Variants in PHF24 observed in about 807,000 individuals in gnomAD.
PHF24 encodes Galpha inhibitory interacting protein.
Under a neutral mutation model 42.6 loss-of-function variants are expected in PHF24, and 25 were observed. That is an observed-to-expected ratio of 0.59 (90% CI 0.43 to 0.82). The LOEUF (loss-of-function observed/expected upper bound fraction) is 0.82, where lower values mean the gene tolerates loss of function less well. Ranked by LOEUF, PHF24 falls within the 40% of genes least tolerant of loss-of-function variation. The probability of loss-of-function intolerance (pLI) is 0.00; values close to 1 mark genes in which losing one functional copy is unlikely to be tolerated. For synonymous variants in PHF24, 185 were observed against 204.8 expected (o/e 0.90, Z 0.83); for missense variants, 470 against 538.1 (o/e 0.87, Z 1.25).
the PHF24 span, among the ~76,000 whole-genome samples, chr9:34,824,005 T>C: frequency 6.6e-6 from 1 of 152,142 alleles, no homozygotes; most frequent in Non-Finnish European, 1.5e-5. Context: ...TAGGTTTGGG[T>C]GTTGCAAGAG....
the PHF24 span, among the ~76,000 whole-genome samples, chr9:34,850,507 A>AT: frequency 6.6e-6 from 1 of 151,750 alleles, no homozygotes; most frequent in Non-Finnish European, 1.5e-5. Flanking sequence ...ATTTGTCTAA[A>AT]TTTTTTTCAA....
At chr9:34,905,390 T>C in the PHF24 span, among the ~76,000 whole-genome samples, 1 of 152,248 alleles carries the variant, frequency 6.6e-6, no homozygotes, top group Non-Finnish European at 1.5e-5. Context: ...CATTAAAACC[T>C]ATTTGTTGAA....
chr9:34,859,517 G>A, the PHF24 span, among the ~76,000 whole-genome samples: 1 of 152,006 alleles, frequency 6.6e-6, no homozygotes, highest in Non-Finnish European at 1.5e-5. Context: ...CTAGACCTTT[G>A]ACTGTTTTCC....
chr9:34,680,241 G>T, the PHF24 span, among the ~76,000 whole-genome samples: 1 of 152,086 alleles, frequency 6.6e-6, no homozygotes, highest in Non-Finnish European at 1.5e-5. Flanking sequence ...CAAGCATGGT[G>T]GGGGGTGCCT....
At chr9:34,709,504 TG>T in the PHF24 span, 3 of 1,614,076 alleles carry the variant, frequency 1.9e-6, no homozygotes, top group East Asian at 6.7e-5. Flanking sequence ...CCTCACCTCT[TG>T]CAGCCTTTGG....
At chr9:34,716,583 T>C in the PHF24 span, among the ~76,000 whole-genome samples, 1 of 151,680 alleles carries the variant, frequency 6.6e-6, no homozygotes, top group Non-Finnish European at 1.5e-5. Context: ...TGTTTTGTTT[T>C]GTTTTGTTTT....
At chr9:34,784,680 G>T in the PHF24 span, among the ~76,000 whole-genome samples, 1 of 152,144 alleles carries the variant, frequency 6.6e-6, no homozygotes, top group African/African-American at 2.4e-5. Context: ...TTAACAGGTG[G>T]CAAAGAAGAC....
the PHF24 span, among the ~76,000 whole-genome samples, chr9:34,699,530 A>T: frequency 6.6e-6 from 1 of 152,076 alleles, no homozygotes; most frequent in Non-Finnish European, 1.5e-5. Context: ...TTTTCCATTA[A>T]CCCTTTTTGA....
the PHF24 span, among the ~76,000 whole-genome samples, chr9:34,781,564 C>T: frequency 6.6e-6 from 1 of 151,902 alleles, no homozygotes; most frequent in Admixed American, 6.6e-5. Context: ...CTAACATTAC[C>T]GAATTATACA....
intron 5 of PHF24, 58 bp from the exon 6 acceptor site, chr9:34,977,025 A>G: frequency 2.0e-6 from 3 of 1,517,094 alleles, no homozygotes; most frequent in Non-Finnish European, 2.7e-6. Context: ...AGGATTCTCT[A>G]TGGCTTGGCA....
chr9:34,712,456 T>C, the PHF24 span, among the ~76,000 whole-genome samples: 7 of 152,162 alleles, frequency 4.6e-5, no homozygotes, highest in African/African-American at 1.7e-4. Flanking sequence ...CTGAGGCTCG[T>C]TTATTTTTCT....
chr9:34,915,226 G>T, the PHF24 span, among the ~76,000 whole-genome samples: 29 of 151,650 alleles, frequency 1.9e-4, 1 homozygote, highest in Non-Finnish European at 4.0e-4. Context: ...TAGAGACGGG[G>T]TTTCACCAGA....
At chr9:34,790,687 T>C in the PHF24 span, among the ~76,000 whole-genome samples, 1 of 152,214 alleles carries the variant, frequency 6.6e-6, no homozygotes, top group Non-Finnish European at 1.5e-5. Flanking sequence ...CATAGTACTA[T>C]ATAATATGTC....
the PHF24 span, among the ~76,000 whole-genome samples, chr9:34,851,046 G>T: frequency 6.6e-6 from 1 of 152,152 alleles, no homozygotes; most frequent in African/African-American, 2.4e-5. Context: ...TCGGGGGTCA[G>T]GGGTCAGGGA....
chr9:34,723,030 A>T, the PHF24 span: 1 of 694,974 alleles, frequency 1.4e-6, no homozygotes, highest in South Asian at 2.2e-5. Flanking sequence ...TACAGCAGAG[A>T]CAAGGAGCAG....
rs960062226 is a variant in PHF24, at chr9:34,976,452, G to T, written c.644-83G>T. ...CTTAGCAAGAGCTGTGGGTTTGGGG[G>T]CCCCGAGGGTGCCCTGGAGGTGATG... On this transcript the variant is annotated intron_variant, in intron 4 of 7. Transcript: ENST00000242315. 4.2e-6 allele frequency: 6 copies of T among 1,445,292 alleles called. 1 individual carries two copies. The South Asian group carries it at 7.7e-5, about 19-fold the overall frequency. The allele number at this position is 1,445,292 out of a possible 1,614,324, so 89.5% of individuals were successfully genotyped here.
the PHF24 span, among the ~76,000 whole-genome samples, chr9:34,809,047 AAAT>A: frequency 7.0e-4 from 35 of 49,954 alleles, no homozygotes; most frequent in African/African-American, 1.7e-3. This position sits in a 1 kb window ranked among gnomAD's most constrained non-coding sequence, Gnocchi z 4.1. Flanking sequence ...TAAAAAAAAA[AAAT>A]AATAAATAAA....
chr9:34,759,816 A>G, the PHF24 span, among the ~76,000 whole-genome samples: 1 of 152,190 alleles, frequency 6.6e-6, no homozygotes, highest in South Asian at 2.1e-4. Context: ...CCTCTCCAGC[A>G]ACTTGCCTGG....
chr9:34,793,298 G>A, the PHF24 span, among the ~76,000 whole-genome samples: 1 of 152,102 alleles, frequency 6.6e-6, no homozygotes, highest in African/African-American at 2.4e-5. Context: ...AAGAACCATT[G>A]TCAACCCCAT....
Sources: gnomAD v4.1 joint callset for allele counts (sites outside exome capture counted in the v4.1 genomes callset) on GRCh38, gnomAD v4.1.1 for gene constraint, Gnocchi (gnomAD v3.1) non-coding constraint, MANE v1.5 for transcripts, NCBI Gene and HGNC (gene_info 2026-07-23, HGNC 2026-07-21) for gene names.